AUTS2: variants seen among roughly 807,000 people sequenced by gnomAD.
AUTS2 encodes the protein activator of transcription and developmental regulator AUTS2.
A neutral mutation model predicts 112.4 loss-of-function variants in AUTS2; 17 were observed. That is an observed-to-expected ratio of 0.15 (90% CI 0.10 to 0.23). The LOEUF is 0.23. Among genes scored for constraint, AUTS2 ranks in the 10% least tolerant of loss-of-function variants. The probability of loss-of-function intolerance (pLI) is 1.00; values close to 1 mark genes in which losing one functional copy is unlikely to be tolerated. For missense variants in AUTS2, 1,510 were observed against 1,701.6 expected (o/e 0.89, Z 1.98); for synonymous variants, 751 against 702.7 (o/e 1.07, Z -1.09).
chr7:70,334,126 T>C (rs997986024), intron 4 of AUTS2, among the ~76,000 whole-genome samples: 1 of 152,218 alleles, frequency 6.6e-6, no homozygotes, highest in Non-Finnish European at 1.5e-5. Flanking sequence ...CAGTGCAATG[T>C]TGAATAGCTA....
At chr7:70,391,173 A>C (rs1200538538) in intron 4 of AUTS2, among the ~76,000 whole-genome samples, 1 of 152,150 alleles carries the variant, frequency 6.6e-6, no homozygotes, top group Non-Finnish European at 1.5e-5. Context: ...AGTAATTCAC[A>C]TTTGCAGCCA....
At chr7:69,867,389 A>G (rs1793283729) in intron 1 of AUTS2, among the ~76,000 whole-genome samples, 1 of 152,198 alleles carries the variant, frequency 6.6e-6, no homozygotes. Flanking sequence ...CAAGTAGATT[A>G]TATTGAATCA....
intron 2 of AUTS2, among the ~76,000 whole-genome samples, chr7:69,930,245 C>A (rs1796177061): frequency 6.6e-6 from 1 of 152,150 alleles, no homozygotes; most frequent in African/African-American, 2.4e-5. Context: ...TAGCGTCCCC[C>A]TGCTTTCGAG....
At chr7:69,602,510 T>A (rs978404436) in intron 1 of AUTS2, among the ~76,000 whole-genome samples, 1 of 152,180 alleles carries the variant, frequency 6.6e-6, no homozygotes, top group Non-Finnish European at 1.5e-5. Flanking sequence ...TACCAACTCA[T>A]ATCTCATCTT....
intron 1 of AUTS2, among the ~76,000 whole-genome samples, chr7:69,793,105 T>C (rs998355895): frequency 6.6e-6 from 1 of 152,210 alleles, no homozygotes; most frequent in African/African-American, 2.4e-5. Flanking sequence ...GGCTTTTTGC[T>C]GCTTTACCCA....
At chr7:70,305,887 T>C (rs1004687643) in intron 4 of AUTS2, among the ~76,000 whole-genome samples, 1 of 151,902 alleles carries the variant, frequency 6.6e-6, no homozygotes, top group Non-Finnish European at 1.5e-5. Context: ...AAGACTCACA[T>C]ACAAAGTATA....
rs1219777673 is a variant in AUTS2 at position 69,975,979 on chromosome 7, A to AT, written c.522+76486dup. Among the ~76,000 whole-genome samples, 265 of 152,282 alleles carry AT rather than the reference A, an allele frequency of 1.7e-3. 1 individual carries two copies. Among genetic ancestry groups the AT allele is most frequent in the African/African-American group, 6.1e-3 (253 of 41,576 alleles). ...AGGCTTGAACCATCTCGCCCAGCTG[A>AT]TTTTTAAAAAAAATGCATTTTACTC... On this transcript the variant is annotated intron_variant, in intron 2 of 18. Transcript: ENST00000342771.
At chr7:70,325,110 T>A (rs1182376025) in intron 4 of AUTS2, among the ~76,000 whole-genome samples, 1 of 152,010 alleles carries the variant, frequency 6.6e-6, no homozygotes, top group Non-Finnish European at 1.5e-5. Context: ...AGGAGAGAAG[T>A]GGGAGGCTGG....
At chr7:70,539,232 A>G (rs939893730) in intron 5 of AUTS2, among the ~76,000 whole-genome samples, 18 of 152,078 alleles carry the variant, frequency 1.2e-4, no homozygotes, top group African/African-American at 4.3e-4. Context: ...CTCTGGTCAT[A>G]GTTACTATGT....
At chr7:70,415,275 C>T (rs1794942863) in intron 4 of AUTS2, among the ~76,000 whole-genome samples, 1 of 152,184 alleles carries the variant, frequency 6.6e-6, no homozygotes, top group Non-Finnish European at 1.5e-5. Context: ...GCCGTAGAGC[C>T]TTGGCCAAGT....
chr7:69,660,018 C>T (rs190464866), intron 1 of AUTS2, among the ~76,000 whole-genome samples: 67 of 152,324 alleles, frequency 4.4e-4, no homozygotes, highest in Admixed American at 4.4e-3. Context: ...ACTAGAACCT[C>T]CACCCTACTG....
chr7:70,076,487 A>G (rs1242979071), intron 2 of AUTS2, among the ~76,000 whole-genome samples: 1 of 152,220 alleles, frequency 6.6e-6, no homozygotes, highest in Non-Finnish European at 1.5e-5. Context: ...TGACTGTGCT[A>G]AGTGAGGACT....
At chr7:70,293,320 A>G (rs1010718884) in intron 4 of AUTS2, 1 of 152,200 alleles carries the variant, frequency 6.6e-6, no homozygotes, top group Admixed American at 6.5e-5. Context: ...GATACTAAGT[A>G]GTAGATAAGA....
chr7:69,893,505 C>T (rs1479009078), intron 1 of AUTS2, among the ~76,000 whole-genome samples: 1 of 152,162 alleles, frequency 6.6e-6, no homozygotes, highest in Non-Finnish European at 1.5e-5. Flanking sequence ...TCATTGGGGA[C>T]AGGCAAAGCA....
chr7:69,835,914 A>T (rs1791701439), intron 1 of AUTS2, among the ~76,000 whole-genome samples: 1 of 152,140 alleles, frequency 6.6e-6, no homozygotes, highest in African/African-American at 2.4e-5. Flanking sequence ...AAGAGGTTTG[A>T]CAGTATCAGA....
At chr7:70,577,169 C>G (rs10486868) in intron 5 of AUTS2, among the ~76,000 whole-genome samples, 49,010 of 152,032 alleles carry the variant, frequency 0.32, 8,079 homozygotes, top group African/African-American at 0.37. Flanking sequence ...TGCAGAGTTA[C>G]GAATAATTGA....
chr7:69,822,786 A>G (rs1342535500), intron 1 of AUTS2, among the ~76,000 whole-genome samples: 2 of 152,162 alleles, frequency 1.3e-5, no homozygotes, highest in Admixed American at 1.3e-4. Context: ...GTCCAATCCA[A>G]TATCTGCCTA....
At chr7:70,170,107 A>G (rs1177836296) in intron 4 of AUTS2, among the ~76,000 whole-genome samples, 2 of 151,828 alleles carry the variant, frequency 1.3e-5, no homozygotes, top group Non-Finnish European at 2.9e-5. Flanking sequence ...AAAACTCACA[A>G]AATCTTTGAT....
intron 3 of AUTS2, among the ~76,000 whole-genome samples, chr7:70,125,165 A>C (rs1252805030): frequency 6.6e-6 from 1 of 151,646 alleles, no homozygotes; most frequent in Admixed American, 6.6e-5. Flanking sequence ...AGACATTATA[A>C]AATTTTCCTT....
Sources: allele counts gnomAD v4.1 joint callset (sites outside exome capture counted in the v4.1 genomes callset), GRCh38; gene constraint gnomAD v4.1.1; transcripts MANE v1.5; gene names NCBI Gene and HGNC (gene_info 2026-07-23, HGNC 2026-07-21).